The following DEPTOR variants were observed in gnomAD, a reference collection of about 807,000 sequenced individuals.
The protein encoded by DEPTOR is DEP domain containing MTOR interacting protein, also known as DEP domain-containing mTOR-interacting protein.
DEPTOR carries 41 observed loss-of-function variants against 41.6 expected under a neutral mutation model. The observed-to-expected ratio is 0.98, with a 90% confidence interval of 0.77 to 1.28. The LOEUF (loss-of-function observed/expected upper bound fraction) is 1.28. Among genes scored for constraint, DEPTOR ranks in the 50% most tolerant of loss-of-function variants. The pLI, the probability that DEPTOR is intolerant of heterozygous loss-of-function variation, is 0.00. For synonymous variants in DEPTOR, 195 were observed against 192.3 expected (o/e 1.01, Z -0.12); for missense variants, 514 against 527.9 (o/e 0.97, Z 0.26).
intron 4 of DEPTOR, among the ~76,000 whole-genome samples, chr8:119,985,826 C>CTTTTTTTTTTTTTT (rs999602227): frequency 4.8e-5 from 2 of 41,634 alleles, no homozygotes; most frequent in Admixed American, 3.4e-4. Context: ...AACCCCTGCT[C>CTTTTTTTTTTTTTT]TTTTTTTTTT....
chr8:119,920,835 C>T (rs191824407), intron 1 of DEPTOR, among the ~76,000 whole-genome samples: 1 of 152,282 alleles, frequency 6.6e-6, no homozygotes, highest in East Asian at 1.9e-4. Context: ...CTCTAAGGAT[C>T]TGAGGAACTC....
In DEPTOR at chr8:120,034,118, A is replaced by G. The variant is rs80322126; in HGVS notation, c.1102-15458A>G. ...TCTCTCCCCTGGGGGCATCCAGCAA[A>G]GGATGTTGAAGGTTGCTTAGTCCCG... On this transcript the variant is annotated intron_variant, in intron 8 of 8. Transcript: ENST00000286234. 9.6e-3 allele frequency among the ~76,000 whole-genome samples: 1,467 copies of G among 152,250 alleles called. 30 individuals are homozygous for G. Among genetic ancestry groups the G allele is most frequent in the African/African-American group, 0.034 (1,401 of 41,560 alleles).
intron 4 of DEPTOR, among the ~76,000 whole-genome samples, chr8:119,987,845 A>C (rs1010927446): frequency 2.0e-5 from 3 of 152,132 alleles, no homozygotes; most frequent in African/African-American, 7.2e-5. Flanking sequence ...CTCAAGCCTC[A>C]GTAATGGCAG....
intron 1 of DEPTOR, among the ~76,000 whole-genome samples, chr8:119,881,601 T>C (rs758224131): frequency 7.3e-5 from 11 of 151,390 alleles, no homozygotes; most frequent in Non-Finnish European, 1.5e-4. Flanking sequence ...GAATATGAGA[T>C]AAGGAATTTA....
intron 3 of DEPTOR, among the ~76,000 whole-genome samples, chr8:119,953,306 G>C (rs1828376576): frequency 6.6e-6 from 1 of 152,192 alleles, no homozygotes; most frequent in African/African-American, 2.4e-5. Flanking sequence ...CTGGAGGCTG[G>C]GCGTGGTGGC....
chr8:119,915,945 TAAAAAAAAAAAAA>T (rs201870960), intron 1 of DEPTOR, among the ~76,000 whole-genome samples: 4 of 126,654 alleles, frequency 3.2e-5, no homozygotes, highest in Non-Finnish European at 6.5e-5. Flanking sequence ...CTTCATTTGT[TAAAAAAAAAAAAA>T]AAAAAAAAAG....
intron 4 of DEPTOR, among the ~76,000 whole-genome samples, chr8:119,983,747 T>A (rs1294194189): frequency 2.1e-5 from 3 of 142,002 alleles, no homozygotes; most frequent in Non-Finnish European, 4.7e-5. Context: ...TTTTAAAAAG[T>A]AGGTGGGTTT....
intron 8 of DEPTOR, among the ~76,000 whole-genome samples, chr8:120,033,284 G>A (rs147626496): frequency 0.021 from 3,257 of 151,870 alleles, 61 homozygotes; most frequent in African/African-American, 0.045. Context: ...ACAGGGTTTC[G>A]CCCTATTGGT....
At chr8:119,964,515 CAA>C (rs536731714) in intron 3 of DEPTOR, among the ~76,000 whole-genome samples, 390 of 121,164 alleles carry the variant, frequency 3.2e-3, no homozygotes, top group African/African-American at 0.012. Context: ...AAGCCCGTCT[CAA>C]AAAAAAAAAA....
At chr8:119,981,988 C>T (rs1329083375) in intron 4 of DEPTOR, among the ~76,000 whole-genome samples, 2 of 127,210 alleles carry the variant, frequency 1.6e-5, no homozygotes, top group African/African-American at 6.0e-5. Flanking sequence ...CACTCTAGCC[C>T]AGTCGACAGT....
intron 1 of DEPTOR, among the ~76,000 whole-genome samples, chr8:119,877,993 G>A (rs1486038451): frequency 2.0e-5 from 3 of 151,782 alleles, no homozygotes; most frequent in Non-Finnish European, 4.4e-5. Context: ...GTGCAATGGC[G>A]CGATCTCGGC....
chr8:119,969,879 G>A (rs1006974959), intron 4 of DEPTOR: 2 of 152,156 alleles, frequency 1.3e-5, no homozygotes, highest in African/African-American at 2.4e-5. Context: ...GCTTTTAATT[G>A]TCTGGCTAAT....
chr8:119,897,412 A>G (rs929392532), intron 1 of DEPTOR, among the ~76,000 whole-genome samples: 5 of 152,132 alleles, frequency 3.3e-5, no homozygotes, highest in Admixed American at 2.6e-4. Flanking sequence ...AGGCGCCTGT[A>G]ATCCCAGCTA....
At position 120,049,586 on chromosome 8, in the gene DEPTOR, T is replaced by C; in HGVS notation, c.1112T>C (p.Phe371Ser). ...AAAAGMKVCQ[F>S]VVSVNGLNVL... ...GCATCTTTCCTTTAGGTCTGTCAGTTTGTCGTCTCTGTCAACGGGCTCAAT... is the reference window on the plus strand; with the variant it reads ...GCATCTTTCCTTTAGGTCTGTCAGTCTGTCGTCTCTGTCAACGGGCTCAAT... Residue 371 changes from phenylalanine (F) to serine (S), a missense_variant, in exon 9 of 9, where the codon TTT becomes TCT. By Grantham distance (155) the Phe-to-Ser change is radical (BLOSUM62 -2). Transcript: ENST00000286234. The C allele has an allele frequency of 6.2e-7, 1 of 1,613,650 alleles. No homozygotes were observed. The highest frequency in any genetic ancestry group is 8.5e-7 in the Non-Finnish European group (1 of 1,179,690).
At chr8:120,018,944 G>T (rs778950543) in intron 8 of DEPTOR, among the ~76,000 whole-genome samples, 2 of 152,208 alleles carry the variant, frequency 1.3e-5, no homozygotes, top group Non-Finnish European at 2.9e-5. Flanking sequence ...CCACTACCAT[G>T]TGCTAGGCAT....
intron 1 of DEPTOR, among the ~76,000 whole-genome samples, chr8:119,885,610 G>C (rs879851427): frequency 6.6e-6 from 1 of 151,672 alleles, no homozygotes; most frequent in South Asian, 2.1e-4. Context: ...TTTTTCTCTT[G>C]TTATACTTGA....
intron 8 of DEPTOR, among the ~76,000 whole-genome samples, chr8:120,017,136 A>C (rs1812625005): frequency 6.6e-6 from 1 of 152,258 alleles, no homozygotes; most frequent in African/African-American, 2.4e-5. Flanking sequence ...AATTTACTAA[A>C]TGATTCAATG....
chr8:119,904,191 C>T (rs906291629), intron 1 of DEPTOR, among the ~76,000 whole-genome samples: 4 of 151,788 alleles, frequency 2.6e-5, no homozygotes, highest in African/African-American at 9.7e-5. Flanking sequence ...GATCTCAGCT[C>T]ACTGCAACCT....
intron 8 of DEPTOR, among the ~76,000 whole-genome samples, chr8:120,014,129 G>A (rs145456737): frequency 2.0e-3 from 308 of 152,222 alleles, no homozygotes; most frequent in Middle Eastern, 6.8e-3. Context: ...TGTAAACGTC[G>A]GGCTTGGAGG....
Sources: gnomAD v4.1 joint callset for allele counts (sites outside exome capture counted in the v4.1 genomes callset) on GRCh38, gnomAD v4.1.1 for gene constraint, MANE v1.5 for transcripts, NCBI Gene and HGNC (gene_info 2026-07-23, HGNC 2026-07-21) for gene names.